Variants in HMCN1 observed in about 807,000 individuals in gnomAD.
The protein encoded by HMCN1 is hemicentin 1, also known as hemicentin-1.
Under a neutral mutation model 625.9 loss-of-function variants are expected in HMCN1, and 321 were observed. That is an observed-to-expected ratio of 0.51 (90% CI 0.47 to 0.56). The LOEUF is 0.56. HMCN1 is among the 20% of genes least tolerant of loss of function. The pLI is 0.00. For missense variants in HMCN1, 6,588 were observed against 6,887.3 expected (o/e 0.96, Z 1.54); for synonymous variants, 2,425 against 2,417.6 (o/e 1.00, Z -0.09).
In HMCN1 at chr1:185,949,331, G is replaced by T. The variant is rs1192633851; in HGVS notation, c.1829-13187G>T. ...TTTGGGCACAGTCTAAGTTGGTCTG[G>T]TGTCTGGAATGAGACTGGGGCCTAA... On this transcript the variant is annotated intron_variant, in intron 11 of 106. Transcript: ENST00000271588. Among the ~76,000 whole-genome samples the T allele has an allele frequency of 3.3e-5, 5 of 151,782 alleles. 1 individual carries two copies. Among genetic ancestry groups the T allele is most frequent in the African/African-American group, 4.9e-5 (2 of 41,142 alleles).
At position 185,972,046 on chromosome 1, in the gene HMCN1, C is replaced by T. The variant is rs955797988; in HGVS notation, c.2371+1553C>T. Among the ~76,000 whole-genome samples the T allele has an allele frequency of 2.0e-5, 3 of 152,286 alleles. No individual in the cohort carries two copies. In the East Asian group the frequency reaches 5.8e-4, roughly 29 times the overall value. On this transcript the variant is annotated intron_variant, in intron 15 of 106. Coordinates refer to ENST00000271588, the MANE Select transcript of HMCN1 (RefSeq NM_031935.3). Reference sequence around the variant, plus strand: ...AAGGCCCAAATAAAGAGGGTCACTACATAGAGAATTCTTGTTTACAAGAAA... The same window carrying T: ...AAGGCCCAAATAAAGAGGGTCACTATATAGAGAATTCTTGTTTACAAGAAA...
intron 3 of HMCN1, 111 bp downstream of exon 3, chr1:185,864,739 T>C (rs1200839733): frequency 5.3e-6 from 5 of 950,576 alleles, no homozygotes; most frequent in African/African-American, 1.6e-5. Flanking sequence ...TAACTATCTA[T>C]CCACATGTAT....
chr1:186,178,599 C>A lies in HMCN1; in HGVS notation c.16127C>A (p.Ser5376Tyr). ...QYSSYNLARF[S>Y]PVRNNYQPQQ... is the part of the protein sequence containing the mutation. ...AGTAGCTATAACCTTGCACGGTTCT[C>A]CCCTGTGAGAAACAACTATCAACCT... The change falls in exon 104 of 107, where the codon TCC becomes TAC. Residue 5376 changes from serine (S) to tyrosine (Y), a missense_variant. By Grantham distance (144) the Ser-to-Tyr change is moderately radical (BLOSUM62 -2). Around this residue, in one of 3 missense-constraint regions of HMCN1, gnomAD observed 1,954 missense variants for 2,013.1 expected, o/e 0.97. Coordinates refer to ENST00000271588, the MANE Select transcript of HMCN1 (RefSeq NM_031935.3). 1.2e-6 allele frequency: 2 copies of A among 1,614,090 alleles called. No individual in the cohort carries two copies. Among genetic ancestry groups the A allele is most frequent in the South Asian group, 2.2e-5 (2 of 91,072 alleles).
At chr1:185,835,620 A>G (rs908322473) in intron 1 of HMCN1, among the ~76,000 whole-genome samples, 13 of 152,128 alleles carry the variant, frequency 8.5e-5, no homozygotes, top group African/African-American at 3.1e-4. Context: ...GTTACCAACT[A>G]AAGTGAAGAC....
intron 1 of HMCN1, among the ~76,000 whole-genome samples, chr1:185,831,234 A>G (rs1660839754): frequency 6.6e-6 from 1 of 152,208 alleles, no homozygotes; most frequent in Non-Finnish European, 1.5e-5. Flanking sequence ...TTTCAGGGGC[A>G]TGATGATAGG....
At position 185,879,830 on chromosome 1, in the gene HMCN1, G is replaced by A. The variant is rs373770403; in HGVS notation, c.621+13967G>A. The stretch of plus-strand genomic sequence containing the variant: ...TTACAAGAGTTGAGGAGGTCATTGA[G>A]AGGTCAGCGAGTTGGATAGGCCATC... On this transcript the variant is annotated intron_variant, in intron 4 of 106. Coordinates refer to ENST00000271588, the MANE Select transcript of HMCN1 (RefSeq NM_031935.3). Among the ~76,000 whole-genome samples the A allele has an allele frequency of 3.9e-5, 6 of 152,148 alleles. 1 individual carries two copies. The East Asian group carries it at 5.8e-4, about 15-fold the overall frequency.
At chr1:186,158,470 T>A (rs527470754) in intron 97 of HMCN1, among the ~76,000 whole-genome samples, 1 of 152,236 alleles carries the variant, frequency 6.6e-6, no homozygotes, top group Non-Finnish European at 1.5e-5. Context: ...TTGTCTTTTG[T>A]TGCCATTGCT....
chr1:186,189,236 C>CT (rs1653559818), intron 106 of HMCN1, among the ~76,000 whole-genome samples: 1 of 152,116 alleles, frequency 6.6e-6, no homozygotes, highest in African/African-American at 2.4e-5. Flanking sequence ...AAAGAAAATA[C>CT]TCTTGTGGCA....
intron 1 of HMCN1, among the ~76,000 whole-genome samples, chr1:185,823,599 C>T (rs1660331610): frequency 6.6e-6 from 1 of 152,110 alleles, no homozygotes; most frequent in African/African-American, 2.4e-5. Context: ...CCCAAGTGGC[C>T]ATCTCTTGGC....
chr1:186,067,985 C>A lies in HMCN1; in HGVS notation c.7857C>A (p.Asn2619Lys), dbSNP rs755340964. ...AGGATGGCACTCCTTTAGAATCTAA[C>A]CGAAATATTCGTATTCTTCCAGGTA... ...WFKDGTPLESNRNIRILPGGR... is the reference protein window; with the variant it reads ...WFKDGTPLESKRNIRILPGGR... Residue 2619 changes from asparagine (N) to lysine (K), a missense_variant, in exon 50 of 107, where the codon AAC (asparagine) becomes AAA (lysine). Physicochemically the swap from Asn to Lys is moderately conservative, Grantham distance 94. Transcript: ENST00000271588. The A allele has an allele frequency of 3.1e-6, 5 of 1,613,560 alleles. No individual in the cohort carries two copies. The highest frequency in any genetic ancestry group is 4.2e-6 in the Non-Finnish European group (5 of 1,179,584).
In HMCN1 at chr1:186,039,715, T is replaced by C. The variant is rs1180387601; in HGVS notation, c.6029-13T>C. 6.2e-7 allele frequency: 1 copy of C among 1,613,030 alleles called. No individual in the cohort carries two copies. The highest frequency in any genetic ancestry group is 8.5e-7 in the Non-Finnish European group (1 of 1,179,186). On this transcript the variant is annotated splice_polypyrimidine_tract_variant and intron_variant, in intron 38 of 106. Transcript: ENST00000271588. ...TGATATTAACGTGTCTTACTTTCATTTGTTTTTTTCAGTGGCCCCATCAAT... is the reference window on the plus strand; with the variant it reads ...TGATATTAACGTGTCTTACTTTCATCTGTTTTTTTCAGTGGCCCCATCAAT...
At chr1:186,148,137 T>C (rs1355400668) in intron 93 of HMCN1, among the ~76,000 whole-genome samples, 2 of 152,350 alleles carry the variant, frequency 1.3e-5, no homozygotes, top group African/African-American at 2.4e-5. Context: ...TCACAGCATC[T>C]TCATCAGGAG....
rs1340496450 is a variant in HMCN1 at position 186,038,991 on chromosome 1, G to T, written c.6014G>T (p.Ser2005Ile). The change falls in exon 38 of 107, where the codon AGT becomes ATT. Residue 2005 changes from serine to isoleucine, a missense_variant. Physicochemically the swap from Ser to Ile is moderately radical, Grantham distance 142 (BLOSUM62 -2). This residue lies in a region of HMCN1 where 4,628 missense variants were observed against 4,853.1 expected (regional missense o/e 0.95). Coordinates refer to ENST00000271588, the MANE Select transcript of HMCN1 (RefSeq NM_031935.3). Reference sequence around the variant, plus strand: ...GCTGGAGCTACAGAGTTATTTTACAGTCTGCAAGTTCATGGTTAGTGCCAC... The same window carrying T: ...GCTGGAGCTACAGAGTTATTTTACATTCTGCAAGTTCATGGTTAGTGCCAC... ...NSAGATELFY[S>I]LQVHVAPSIS... is the part of the protein sequence containing the mutation. 2 of 1,611,244 alleles carry T rather than the reference G, an allele frequency of 1.2e-6. No homozygotes were observed. The highest frequency in any genetic ancestry group is 1.7e-6 in the Non-Finnish European group (2 of 1,177,626).
intron 11 of HMCN1, 72 bp from the exon 12 acceptor site, chr1:185,962,446 C>G (rs973861006): frequency 2.3e-5 from 29 of 1,272,020 alleles, no homozygotes; most frequent in Non-Finnish European, 3.3e-5. Flanking sequence ...ACCTACAAAT[C>G]TGCTAACATA....
At chr1:185,885,945 C>A (rs968886118) in intron 4 of HMCN1, among the ~76,000 whole-genome samples, 9 of 151,974 alleles carry the variant, frequency 5.9e-5, no homozygotes, top group African/African-American at 2.2e-4. Flanking sequence ...TAAAAGTAGT[C>A]TCTTTACAAT....
chr1:185,848,892 A>AC (rs1345604138), intron 2 of HMCN1, among the ~76,000 whole-genome samples: 4 of 152,200 alleles, frequency 2.6e-5, no homozygotes, highest in Non-Finnish European at 4.4e-5. Context: ...AGTCCCAATT[A>AC]CCATATCTTT....
chr1:186,075,132 C>T (rs892107552), intron 53 of HMCN1, among the ~76,000 whole-genome samples: 3 of 152,070 alleles, frequency 2.0e-5, no homozygotes, highest in Non-Finnish European at 2.9e-5. Context: ...GTTGAGGTCA[C>T]ACAATATAGA....
chr1:185,893,715 A>G (rs1474014088), intron 4 of HMCN1, among the ~76,000 whole-genome samples: 1 of 152,192 alleles, frequency 6.6e-6, no homozygotes, highest in Non-Finnish European at 1.5e-5. Flanking sequence ...TGACAAATAT[A>G]AAAAACATGC....
At chr1:185,866,606 C>G (rs1303559209) in intron 4 of HMCN1, among the ~76,000 whole-genome samples, 1 of 151,638 alleles carries the variant, frequency 6.6e-6, no homozygotes, top group African/African-American at 2.4e-5. Context: ...CGGGGTTTCA[C>G]CATGTTAGCC....
Sources: gnomAD v4.1 joint callset for allele counts (sites outside exome capture counted in the v4.1 genomes callset) on GRCh38, gnomAD v4.1.1 for gene constraint, gnomAD v4.1.1 regional missense constraint, MANE v1.5 for transcripts, NCBI Gene and HGNC (gene_info 2026-07-23, HGNC 2026-07-21) for gene names.